Variants in TANGO6 observed in about 807,000 individuals in gnomAD.
TANGO6 encodes transport and golgi organization 6 homolog.
Under a neutral mutation model 114.2 loss-of-function variants are expected in TANGO6, and 90 were observed. The ratio of observed to expected loss-of-function variants is 0.79; its 90% CI spans 0.66 to 0.94. The LOEUF (loss-of-function observed/expected upper bound fraction) is 0.94. TANGO6 is among the 40% of genes least tolerant of loss of function. The probability of loss-of-function intolerance (pLI) is 0.00; values close to 1 mark genes in which losing one functional copy is unlikely to be tolerated. For missense variants in TANGO6, 1,274 were observed against 1,315.3 expected, an observed-to-expected ratio of 0.97 and a Z score of 0.49; for synonymous variants, 477 against 509.8, an observed-to-expected ratio of 0.94 and a Z score of 0.87.
chr16:69,074,467 C>T (rs559914989), intron 17 of TANGO6, among the ~76,000 whole-genome samples: 8 of 152,074 alleles, frequency 5.3e-5, no homozygotes, highest in African/African-American at 1.2e-4. Flanking sequence ...AGAGGAGGAA[C>T]GTGTCCACCC....
chr16:68,886,857 G>A (rs1000228878), intron 7 of TANGO6, among the ~76,000 whole-genome samples: 20 of 151,316 alleles, frequency 1.3e-4, no homozygotes, highest in Admixed American at 6.6e-5. Flanking sequence ...ACGCAGGCTG[G>A]AGTGCAGTTG....
intron 17 of TANGO6, among the ~76,000 whole-genome samples, chr16:69,048,861 T>C (rs1959901903): frequency 6.6e-6 from 1 of 151,934 alleles, no homozygotes. Context: ...GGGCCAAAAG[T>C]GTGTTGGAAA....
At chr16:68,891,246 C>G (rs1408025091) in intron 7 of TANGO6, among the ~76,000 whole-genome samples, 1 of 146,960 alleles carries the variant, frequency 6.8e-6, no homozygotes, top group Non-Finnish European at 1.5e-5. Context: ...AGGCCGAGAT[C>G]GCACCATTGC....
intron 16 of TANGO6, chr16:69,034,846 A>G (rs530894209): frequency 6.6e-6 from 1 of 151,110 alleles, no homozygotes; most frequent in South Asian, 2.1e-4. Flanking sequence ...ATTAACCTGT[A>G]GATAACATTC....
intron 15 of TANGO6, 58 bp downstream of exon 15, chr16:68,974,226 A>T: frequency 6.2e-7 from 1 of 1,606,434 alleles, no homozygotes; most frequent in Admixed American, 1.7e-5. Context: ...TGACTTTGAA[A>T]CCAAAATGTG....
At chr16:69,015,829 T>G (rs1959286880) in intron 15 of TANGO6, among the ~76,000 whole-genome samples, 1 of 152,146 alleles carries the variant, frequency 6.6e-6, no homozygotes. Context: ...AGGGCAGGAA[T>G]TTACATAAAT....
chr16:68,884,085 T>C (rs1231596172), intron 7 of TANGO6, among the ~76,000 whole-genome samples: 1 of 152,078 alleles, frequency 6.6e-6, no homozygotes, highest in African/African-American at 2.4e-5. Flanking sequence ...AATTTTTGTA[T>C]TTTTTGTAGA....
chr16:68,860,434 C>T lies in TANGO6; in HGVS notation c.645C>T (p.Ile215=). Residue 215 remains isoleucine, a synonymous_variant, in exon 2 of 18, where the codon ATC becomes ATT. Transcript: ENST00000261778. ...VAQHTSLGSL[I]FCHHFGDIAA... is the part of the protein sequence containing the mutation. ...AGCACACATCTCTGGGGAGCTTGAT[C>T]TTCTGCCACCACTTTGGGGATATCG... 1 of 1,614,018 alleles carries T rather than the reference C, an allele frequency of 6.2e-7. No homozygotes were observed. Among genetic ancestry groups the T allele is most frequent in the Non-Finnish European group, 8.5e-7 (1 of 1,179,908 alleles).
At position 68,940,573 on chromosome 16, in the gene TANGO6, G is replaced by A. The variant is rs573129396; in HGVS notation, c.2701+10278G>A. Among the ~76,000 whole-genome samples the A allele has an allele frequency of 6.9e-5, 10 of 144,412 alleles. No homozygotes were observed. In the South Asian group the frequency reaches 2.1e-3, roughly 30 times the overall value. The allele number at this position is 144,412 out of a possible 152,430, so 94.7% of individuals were successfully genotyped here. On this transcript the variant is annotated intron_variant, in intron 14 of 17. Coordinates refer to ENST00000261778, the MANE Select transcript of TANGO6 (RefSeq NM_024562.2). ...TTGTAGTTTGAATGTCACTGGTTAG[G>A]GCATTGGACAGTTTGGTGAACTTTC... is the stretch of plus-strand genomic sequence containing the variant.
chr16:68,904,720 T>A (rs868056637), intron 9 of TANGO6, among the ~76,000 whole-genome samples: 2 of 152,250 alleles, frequency 1.3e-5, no homozygotes, highest in African/African-American at 2.4e-5. Context: ...GTATCTTATT[T>A]TCTGTTCACA....
intron 16 of TANGO6, among the ~76,000 whole-genome samples, chr16:69,024,003 G>A (rs1959457511): frequency 6.6e-6 from 1 of 151,362 alleles, no homozygotes; most frequent in Admixed American, 6.6e-5. Context: ...CGCCTCCTGG[G>A]TTCAAGCAGT....
chr16:69,082,705 A>G (rs1015697917), intron 17 of TANGO6, among the ~76,000 whole-genome samples: 1 of 152,032 alleles, frequency 6.6e-6, no homozygotes, highest in South Asian at 2.1e-4. Flanking sequence ...AGATTGTGCA[A>G]CTGCACTCCA....
chr16:68,980,577 A>G (rs144639603), intron 15 of TANGO6, among the ~76,000 whole-genome samples: 6 of 151,176 alleles, frequency 4.0e-5, no homozygotes, highest in Non-Finnish European at 8.9e-5. Context: ...AGTTCCAGCT[A>G]CTCAGGACTC....
intron 15 of TANGO6, among the ~76,000 whole-genome samples, chr16:69,018,139 C>CTTTCTTTTTTTT (rs1959335225): frequency 3.9e-5 from 3 of 77,076 alleles, no homozygotes; most frequent in African/African-American, 1.4e-4. Flanking sequence ...TTGGAAATCT[C>CTTTCTTTTTTTT]TTTTTTTTTT....
At chr16:68,846,796 C>T (rs537757011) in intron 1 of TANGO6, 5 of 153,782 alleles carry the variant, frequency 3.3e-5, no homozygotes, top group African/African-American at 9.7e-5. Context: ...TGAGCCACCA[C>T]GTCCGGTCTT....
At chr16:68,898,972 T>TATG (rs1962747088) in intron 7 of TANGO6, among the ~76,000 whole-genome samples, 1 of 150,240 alleles carries the variant, frequency 6.7e-6, no homozygotes, top group Non-Finnish European at 1.5e-5. Context: ...TTATTATTAT[T>TATG]ATTATTATTG....
intron 14 of TANGO6, among the ~76,000 whole-genome samples, chr16:68,955,154 A>C (rs538898437): frequency 6.6e-6 from 1 of 152,316 alleles, no homozygotes; most frequent in African/African-American, 2.4e-5. Context: ...TGACAGCAGA[A>C]ACCTAACTGA....
Position 68,900,623 on chromosome 16 carries a change from A to G in TANGO6, c.1490+77A>G, listed in dbSNP as rs1441585023. 3.4e-6 allele frequency: 4 copies of G among 1,177,692 alleles called. No individual in the cohort carries two copies. The East Asian group carries it at 7.1e-5, about 21-fold the overall frequency. 73.0% of individuals were successfully genotyped at this position (1,177,692 alleles called of 1,614,324 possible). ...CATGTTGTTTTTGTTCTTATTTTGA[A>G]TTTATATTTGCCACTTTGAAATTAT... is the stretch of plus-strand genomic sequence containing the variant. On this transcript the variant is annotated intron_variant, in intron 8 of 17. Transcript: ENST00000261778.
At chr16:69,050,276 T>C (rs1311843032) in intron 17 of TANGO6, among the ~76,000 whole-genome samples, 1 of 152,164 alleles carries the variant, frequency 6.6e-6, no homozygotes, top group Non-Finnish European at 1.5e-5. Context: ...GTATCAAATA[T>C]GAACTCCTAT....
Sources: allele counts gnomAD v4.1 joint callset (sites outside exome capture counted in the v4.1 genomes callset), GRCh38; gene constraint gnomAD v4.1.1; transcripts MANE v1.5; gene names NCBI Gene and HGNC (gene_info 2026-07-23, HGNC 2026-07-21).